The following SLAIN1 variants were observed in gnomAD, a reference collection of about 807,000 sequenced individuals.
The protein encoded by SLAIN1 is SLAIN family member 1.
SLAIN1 carries 17 observed loss-of-function variants against 55.4 expected under a neutral mutation model. The ratio of observed to expected loss-of-function variants is 0.31; its 90% CI spans 0.21 to 0.46. SLAIN1 has a LOEUF of 0.46. SLAIN1 is among the 20% of genes least tolerant of loss of function. The probability of loss-of-function intolerance (pLI) is 1.00; values close to 1 mark genes in which losing one functional copy is unlikely to be tolerated. For missense variants in SLAIN1, 682 were observed against 785.1 expected (o/e 0.87, Z 1.57); for synonymous variants, 348 against 337.4 (o/e 1.03, Z -0.35).
chr13:77,752,304 T>TTTTTTC (rs1303812147), intron 4 of SLAIN1, among the ~76,000 whole-genome samples: 4 of 151,626 alleles, frequency 2.6e-5, no homozygotes, highest in South Asian at 4.2e-4. Context: ...TTTTTTTTTT[T>TTTTTTC]TTAAGAAGCA....
chr13:77,732,624 A>G (rs1342428328), intron 2 of SLAIN1, among the ~76,000 whole-genome samples: 1 of 152,138 alleles, frequency 6.6e-6, no homozygotes, highest in Non-Finnish European at 1.5e-5. Flanking sequence ...AATGGCTTCT[A>G]TAAAAGGGAA....
rs190904930 is a variant in SLAIN1 at position 77,715,762 on chromosome 13, A to G, written c.627-3770A>G. Reference sequence around the variant, plus strand: ...AAATGTGTAATCGAAACTTTTGTCTATTTTTAAAATTGAGTTGTTTGCTAT... The same window carrying G: ...AAATGTGTAATCGAAACTTTTGTCTGTTTTTAAAATTGAGTTGTTTGCTAT... On this transcript the variant is annotated intron_variant, in intron 1 of 6. Coordinates refer to ENST00000418532, the MANE Select transcript of SLAIN1 (RefSeq NM_001242868.2). 9.5e-4 allele frequency among the ~76,000 whole-genome samples: 144 copies of G among 152,208 alleles called. 1 individual carries two copies. Among genetic ancestry groups the G allele is most frequent in the Non-Finnish European group, 1.4e-3 (95 of 67,984 alleles).
chr13:77,734,974 C>T (rs761726267), intron 2 of SLAIN1, among the ~76,000 whole-genome samples: 10 of 151,996 alleles, frequency 6.6e-5, no homozygotes, highest in African/African-American at 2.2e-4. Flanking sequence ...GAGCTGAGAT[C>T]GTGCCACTGC....
At chr13:77,733,597 G>GGT (rs1032176475) in intron 2 of SLAIN1, among the ~76,000 whole-genome samples, 5 of 152,154 alleles carry the variant, frequency 3.3e-5, no homozygotes, top group African/African-American at 1.2e-4. Flanking sequence ...GTGAGACTTG[G>GGT]GTATAATGAC....
chr13:77,719,112 G>A (rs2091236120), intron 1 of SLAIN1, among the ~76,000 whole-genome samples: 1 of 151,996 alleles, frequency 6.6e-6, no homozygotes, highest in African/African-American at 2.4e-5. Context: ...CATAAGATTT[G>A]CCTTGTTTGT....
At chr13:77,742,002 G>A (rs1873475593) in intron 2 of SLAIN1, among the ~76,000 whole-genome samples, 2 of 152,006 alleles carry the variant, frequency 1.3e-5, no homozygotes, top group Non-Finnish European at 2.9e-5. Flanking sequence ...TCAGAAAAGT[G>A]AATTTTGCTT....
At chr13:77,747,000 C>T in intron 4 of SLAIN1, 145 bp downstream of exon 4, 1 of 693,304 alleles carries the variant, frequency 1.4e-6, no homozygotes, top group African/African-American at 1.8e-5. Flanking sequence ...GATCTCAGCT[C>T]ACTGCAACCT....
intron 5 of SLAIN1, among the ~76,000 whole-genome samples, chr13:77,755,082 A>G (rs946570389): frequency 6.6e-6 from 1 of 152,182 alleles, no homozygotes; most frequent in Non-Finnish European, 1.5e-5. Context: ...TGATAGAAAT[A>G]TACAATTCTA....
At chr13:77,713,838 G>A (rs986348451) in intron 1 of SLAIN1, among the ~76,000 whole-genome samples, 2 of 152,118 alleles carry the variant, frequency 1.3e-5, no homozygotes, top group East Asian at 3.9e-4. Context: ...ATACTGTTCA[G>A]CCATAAAAAA....
At chr13:77,754,785 A>G (rs1180083788) in intron 5 of SLAIN1, among the ~76,000 whole-genome samples, 1 of 152,162 alleles carries the variant, frequency 6.6e-6, no homozygotes, top group East Asian at 1.9e-4. Context: ...TGTCTTCCTT[A>G]CTAGATTGTA....
intron 1 of SLAIN1, among the ~76,000 whole-genome samples, chr13:77,703,653 T>C (rs1436163164): frequency 1.3e-5 from 2 of 151,962 alleles, no homozygotes; most frequent in African/African-American, 4.8e-5. Context: ...GAACTTCATG[T>C]ATCCTTTTAA....
intron 5 of SLAIN1, among the ~76,000 whole-genome samples, chr13:77,759,582 A>G (rs1874858024): frequency 6.6e-6 from 1 of 152,182 alleles, no homozygotes; most frequent in East Asian, 1.9e-4. Flanking sequence ...TGGGTTTGTC[A>G]TATATCGCTT....
intron 1 of SLAIN1, among the ~76,000 whole-genome samples, 175 bp from the exon 2 acceptor site, chr13:77,719,357 A>G (rs1566226774): frequency 2.6e-5 from 4 of 152,032 alleles, no homozygotes; most frequent in African/African-American, 7.2e-5. Context: ...GGCTACAGGA[A>G]GTGTCATATT....
At chr13:77,741,236 A>G (rs1276326842) in intron 2 of SLAIN1, 1 of 986,700 alleles carries the variant, frequency 1.0e-6, no homozygotes, top group Non-Finnish European at 1.2e-6. Context: ...ACAAAGAACT[A>G]TTGGTCTTTT....
At chr13:77,739,568 T>C (rs1470447765) in intron 2 of SLAIN1, among the ~76,000 whole-genome samples, 2 of 152,090 alleles carry the variant, frequency 1.3e-5, no homozygotes, top group Non-Finnish European at 2.9e-5. Context: ...AATTAAGTAA[T>C]TGCTTTCTTA....
At chr13:77,755,241 C>T (rs1874514297) in intron 5 of SLAIN1, among the ~76,000 whole-genome samples, 1 of 151,860 alleles carries the variant, frequency 6.6e-6, no homozygotes, top group Admixed American at 6.6e-5. Context: ...ATCACTTGAG[C>T]CTGGGAGGTT....
intron 1 of SLAIN1, among the ~76,000 whole-genome samples, chr13:77,701,998 A>G (rs2091035938): frequency 7.2e-6 from 1 of 138,916 alleles, no homozygotes; most frequent in Non-Finnish European, 1.5e-5. Flanking sequence ...ATTCCCACCT[A>G]TGAGTGAGAA....
chr13:77,705,438 C>G (rs2091079791), intron 1 of SLAIN1, among the ~76,000 whole-genome samples: 1 of 151,798 alleles, frequency 6.6e-6, no homozygotes. Context: ...TAGATTAAGA[C>G]TTTTCAGATG....
chr13:77,743,664 A>T (rs1172274832), intron 2 of SLAIN1, among the ~76,000 whole-genome samples: 1 of 151,578 alleles, frequency 6.6e-6, no homozygotes, highest in African/African-American at 2.4e-5. Flanking sequence ...TGGTTCTTTT[A>T]TCTGAAGCCA....
Sources: gnomAD v4.1 joint callset for allele counts (sites outside exome capture counted in the v4.1 genomes callset) on GRCh38, gnomAD v4.1.1 for gene constraint, MANE v1.5 for transcripts, NCBI Gene and HGNC (gene_info 2026-07-23, HGNC 2026-07-21) for gene names.